The following LRRC49 variants were observed in gnomAD, a reference collection of about 807,000 sequenced individuals.
The protein encoded by LRRC49 is leucine-rich repeat-containing protein 49.
LRRC49 carries 50 observed loss-of-function variants against 83.3 expected under a neutral mutation model. That is an observed-to-expected ratio of 0.60 (90% CI 0.48 to 0.76). The LOEUF is 0.76. Ranked by LOEUF, LRRC49 falls within the 30% of genes least tolerant of loss-of-function variation. The pLI is 0.00. For missense variants in LRRC49, 704 were observed against 809.1 expected (o/e 0.87, Z 1.58); for synonymous variants, 286 against 283.3 (o/e 1.01, Z -0.10).
chr15:70,911,523 G>C lies in LRRC49; in HGVS notation c.501-9G>C, dbSNP rs1486375066. ...TCCGTATTTCTATTCTACTTATTCT[G>C]GTTTTCAGAATCAAGAAAATCTCAA... is the stretch of plus-strand genomic sequence containing the variant. On this transcript the variant is annotated splice_polypyrimidine_tract_variant and intron_variant, in intron 5 of 15. Transcript: ENST00000260382. The C allele has an allele frequency of 6.7e-7, 1 of 1,501,782 alleles. No homozygotes were observed. The highest frequency in any genetic ancestry group is 1.4e-5 in the African/African-American group (1 of 71,694). The allele number at this position is 1,501,782 out of a possible 1,614,324, so 93.0% of individuals were successfully genotyped here. A position where few individuals can be genotyped will look rare whatever the true frequency, so the allele number is the denominator to read the frequency against.
chr15:71,021,143 G>A (rs549366227), intron 14 of LRRC49, among the ~76,000 whole-genome samples: 16 of 152,302 alleles, frequency 1.1e-4, no homozygotes, highest in African/African-American at 3.6e-4. Flanking sequence ...GTAGTGGCCC[G>A]TCAGCCACAG....
At chr15:70,920,591 G>C (rs1176051525) in intron 7 of LRRC49, among the ~76,000 whole-genome samples, 1 of 152,174 alleles carries the variant, frequency 6.6e-6, no homozygotes, top group Non-Finnish European at 1.5e-5. Context: ...ATTGGCCCTA[G>C]CATATTCCTG....
chr15:70,854,627 A>T (rs1342084104), intron 1 of LRRC49, among the ~76,000 whole-genome samples: 1 of 152,098 alleles, frequency 6.6e-6, no homozygotes, highest in African/African-American at 2.4e-5. Context: ...TGACATAATA[A>T]CCACCCTAGA....
chr15:70,962,060 A>G (rs1017196894), intron 8 of LRRC49, among the ~76,000 whole-genome samples: 2 of 152,224 alleles, frequency 1.3e-5, no homozygotes, highest in Admixed American at 1.3e-4. Context: ...AAAAGCAATT[A>G]TACCTAATCA....
intron 7 of LRRC49, among the ~76,000 whole-genome samples, chr15:70,927,704 G>T (rs1018207050): frequency 6.6e-6 from 1 of 152,144 alleles, no homozygotes; most frequent in Non-Finnish European, 1.5e-5. Context: ...TTGGAGTGCA[G>T]TGGCTCGAAC....
intron 2 of LRRC49, among the ~76,000 whole-genome samples, chr15:70,885,240 T>C (rs2141086983): frequency 6.6e-6 from 1 of 151,928 alleles, no homozygotes; most frequent in South Asian, 2.1e-4. Flanking sequence ...AAATAGAAAA[T>C]ACAGAAAATG....
chr15:70,962,504 A>T (rs1003180319), intron 8 of LRRC49, among the ~76,000 whole-genome samples: 1 of 152,114 alleles, frequency 6.6e-6, no homozygotes, highest in Admixed American at 6.5e-5. Flanking sequence ...AATAAAAGGA[A>T]CTATGGCTCC....
chr15:70,942,515 A>C (rs2035857624), intron 8 of LRRC49, among the ~76,000 whole-genome samples: 1 of 152,208 alleles, frequency 6.6e-6, no homozygotes, highest in African/African-American at 2.4e-5. Flanking sequence ...AAGATATATA[A>C]CTAGTTTCCC....
chr15:70,892,881 G>C lies in LRRC49; in HGVS notation c.-14G>C, dbSNP rs371715117. 3.1e-6 allele frequency: 5 copies of C among 1,614,076 alleles called. No homozygotes were observed. The highest frequency in any genetic ancestry group is 4.2e-6 in the Non-Finnish European group (5 of 1,180,050). On this transcript the variant is annotated 5_prime_UTR_variant, in exon 1 of 16. Transcript: ENST00000260382. ...GAAGGCAGATCTAACAGAGAACCTG[G>C]ACTGTCTCCTATCATGATTCCCGGG...
At chr15:70,990,486 A>G (rs2037829403) in intron 11 of LRRC49, among the ~76,000 whole-genome samples, 1 of 152,196 alleles carries the variant, frequency 6.6e-6, no homozygotes, top group East Asian at 1.9e-4. Context: ...AGCCCATCGG[A>G]AAAGCACAGT....
At chr15:71,023,883 G>C (rs934117691) in intron 14 of LRRC49, among the ~76,000 whole-genome samples, 1 of 152,218 alleles carries the variant, frequency 6.6e-6, no homozygotes, top group Non-Finnish European at 1.5e-5. Flanking sequence ...AACTCCTTGA[G>C]GGAGGGACAG....
At chr15:70,901,076 G>T in intron 4 of LRRC49, 52 bp downstream of exon 4, 1 of 1,053,420 alleles carries the variant, frequency 9.5e-7, no homozygotes, top group Non-Finnish European at 1.4e-6. Flanking sequence ...ATACATAGAC[G>T]TGGTACAAGA....
intron 14 of LRRC49, among the ~76,000 whole-genome samples, chr15:71,031,612 A>T (rs1285644505): frequency 6.6e-6 from 1 of 152,154 alleles, no homozygotes; most frequent in Non-Finnish European, 1.5e-5. Flanking sequence ...CTGTGCCCAT[A>T]GCCACCCCTT....
At chr15:70,877,963 A>G (rs564326620) in intron 2 of LRRC49, among the ~76,000 whole-genome samples, 95 of 152,278 alleles carry the variant, frequency 6.2e-4, no homozygotes, top group Non-Finnish European at 9.6e-4. Flanking sequence ...CCCCGTCTCT[A>G]CTAAAAATAT....
chr15:70,910,291 T>C (rs2141120703), intron 5 of LRRC49, among the ~76,000 whole-genome samples: 1 of 152,260 alleles, frequency 6.6e-6, no homozygotes, highest in South Asian at 2.1e-4. Flanking sequence ...TGAGATAAAG[T>C]GGAGACAGAA....
intron 10 of LRRC49, among the ~76,000 whole-genome samples, chr15:70,983,191 T>C (rs1247736721): frequency 1.3e-5 from 2 of 152,170 alleles, no homozygotes; most frequent in African/African-American, 4.8e-5. Context: ...TCTATTAATA[T>C]ATATAAATTG....
intron 2 of LRRC49, chr15:70,882,987 G>A: frequency 6.8e-7 from 1 of 1,476,172 alleles, no homozygotes; most frequent in Non-Finnish European, 9.2e-7. Context: ...CAAGTAGTAA[G>A]ACAGTATAGC....
intron 6 of LRRC49, among the ~76,000 whole-genome samples, chr15:70,915,572 C>A (rs1268373641): frequency 1.3e-5 from 2 of 152,150 alleles, no homozygotes; most frequent in Non-Finnish European, 2.9e-5. Flanking sequence ...TTCTTCCTCT[C>A]TGTTTTTCCT....
chr15:70,887,612 G>C (rs2141089126), upstream of LRRC49, among the ~76,000 whole-genome samples: 1 of 152,152 alleles, frequency 6.6e-6, no homozygotes, highest in South Asian at 2.1e-4. Flanking sequence ...ATTACAAAGA[G>C]AGCTATAAAA....
Sources: allele counts gnomAD v4.1 joint callset (sites outside exome capture counted in the v4.1 genomes callset), GRCh38; gene constraint gnomAD v4.1.1; transcripts MANE v1.5; gene names NCBI Gene and HGNC (gene_info 2026-07-23, HGNC 2026-07-21).